The following AKAP13 variants were observed in gnomAD, a reference collection of about 807,000 sequenced individuals.
AKAP13 encodes A-kinase anchor protein 13.
Under a neutral mutation model 264.5 loss-of-function variants are expected in AKAP13, and 80 were observed. The ratio of observed to expected loss-of-function variants is 0.30; its 90% CI spans 0.25 to 0.36. The LOEUF (loss-of-function observed/expected upper bound fraction) is 0.36. Ranked by LOEUF, AKAP13 falls within the 10% of genes least tolerant of loss-of-function variation. AKAP13 has a pLI of 1.00. For missense variants in AKAP13, 3,712 were observed against 3,435.2 expected (o/e 1.08, Z -2.01); for synonymous variants, 1,380 against 1,250.2 (o/e 1.10, Z -2.19).
At position 85,579,105 on chromosome 15, in the gene AKAP13, C is replaced by G; in HGVS notation, c.1037C>G (p.Pro346Arg). ...TESTQCCPGS[P>R]VAQTESPCDL... is the part of the protein sequence containing the mutation. ...AGCACTCAGTGCTGCCCAGGGAGCC[C>G]TGTTGCACAGACTGAAAGTCCCTGT... Residue 346 changes from proline to arginine, a missense_variant, in exon 7 of 37, where the codon CCT becomes CGT. Pro to Arg is a moderately radical substitution (Grantham distance 103). This residue lies in a region of AKAP13 where 2,759 missense variants were observed against 2,411.7 expected (regional missense o/e 1.14). Transcript: ENST00000394518. 2 of 1,614,156 alleles carry G rather than the reference C, an allele frequency of 1.2e-6. No individual in the cohort carries two copies. Among genetic ancestry groups the G allele is most frequent in the Non-Finnish European group, 1.7e-6 (2 of 1,180,028 alleles).
At chr15:85,720,109 T>A (rs1419768127) in intron 23 of AKAP13, among the ~76,000 whole-genome samples, 4 of 151,994 alleles carry the variant, frequency 2.6e-5, no homozygotes, top group Admixed American at 1.3e-4. Context: ...TAGTGCACAC[T>A]TGTGGTCCCA....
intron 8 of AKAP13, among the ~76,000 whole-genome samples, chr15:85,602,178 G>GT (rs550783320): frequency 9.1e-4 from 138 of 151,838 alleles, no homozygotes; most frequent in African/African-American, 2.9e-3. Flanking sequence ...ATCTGAAATC[G>GT]TATCATTGAA....
intron 1 of AKAP13, among the ~76,000 whole-genome samples, chr15:85,386,445 C>T (rs1028099824): frequency 6.6e-6 from 1 of 151,940 alleles, no homozygotes; most frequent in African/African-American, 2.4e-5. Context: ...AGGCACCCAC[C>T]ACCATGCCTA....
At chr15:85,438,088 C>T (rs962350516) in intron 1 of AKAP13, among the ~76,000 whole-genome samples, 1 of 146,848 alleles carries the variant, frequency 6.8e-6, no homozygotes, top group Non-Finnish European at 1.5e-5. Context: ...AGCCCAAAAT[C>T]TCCTTAAGCT....
intron 8 of AKAP13, among the ~76,000 whole-genome samples, chr15:85,630,748 C>T (rs1049137933): frequency 1.3e-5 from 2 of 151,922 alleles, no homozygotes; most frequent in Admixed American, 1.3e-4. Context: ...GATGAGCACC[C>T]ATGTCACACC....
At chr15:85,596,795 A>G (rs1450880713) in intron 8 of AKAP13, among the ~76,000 whole-genome samples, 1 of 152,164 alleles carries the variant, frequency 6.6e-6, no homozygotes, top group Non-Finnish European at 1.5e-5. Flanking sequence ...ACGTATTTGA[A>G]AGGATAAATT....
intron 5 of AKAP13, among the ~76,000 whole-genome samples, chr15:85,554,917 A>G (rs2078087907): frequency 1.3e-5 from 2 of 152,146 alleles, no homozygotes; most frequent in Non-Finnish European, 2.9e-5. Context: ...TAAAAGCACA[A>G]AATTTAGAGC....
intron 1 of AKAP13, among the ~76,000 whole-genome samples, chr15:85,462,312 A>T (rs2074549709): frequency 6.6e-6 from 1 of 152,214 alleles, no homozygotes; most frequent in African/African-American, 2.4e-5. Flanking sequence ...ATTCTATGCA[A>T]ATCACTGAAC....
intron 13 of AKAP13, among the ~76,000 whole-genome samples, chr15:85,668,882 G>A (rs2083751052): frequency 6.6e-6 from 1 of 151,848 alleles, no homozygotes; most frequent in African/African-American, 2.4e-5. Flanking sequence ...GGCAGAGGTT[G>A]CAATGAGCCG....
intron 8 of AKAP13, among the ~76,000 whole-genome samples, chr15:85,591,128 A>G (rs1280864904): frequency 6.6e-6 from 1 of 152,236 alleles, no homozygotes; most frequent in African/African-American, 2.4e-5. Context: ...CCTTTGCTTT[A>G]TAAGAGAAGA....
chr15:85,713,010 A>G (rs1042257232), intron 19 of AKAP13, among the ~76,000 whole-genome samples: 3 of 152,174 alleles, frequency 2.0e-5, no homozygotes, highest in African/African-American at 7.2e-5. Flanking sequence ...TTCCTCTGTA[A>G]AAGGGGACGA....
In AKAP13 at chr15:85,620,170, A is replaced by T. The variant is rs1279613727; in HGVS notation, c.4162-19204A>T. 4 of 1,535,976 alleles carry T rather than the reference A, an allele frequency of 2.6e-6. No homozygotes were observed. In the Admixed American group the frequency reaches 7.8e-5, roughly 30 times the overall value. ...CAGGACTGTGGACGTGGTATTGCTGAAGGTAAGGGGGGCTGCACCTCATGC... is the reference window on the plus strand; with the variant it reads ...CAGGACTGTGGACGTGGTATTGCTGTAGGTAAGGGGGGCTGCACCTCATGC... On this transcript the variant is annotated intron_variant, in intron 8 of 36. Transcript: ENST00000394518.
rs1191772385 is a variant in AKAP13, at chr15:85,741,537, A to C, written c.8058+42A>C. The C allele has an allele frequency of 2.0e-6, 3 of 1,524,922 alleles. No individual in the cohort carries two copies. The Admixed American group carries it at 6.4e-5, about 32-fold the overall frequency. The allele number at this position is 1,524,922 out of a possible 1,614,324, so 94.5% of individuals were successfully genotyped here. A position where few individuals can be genotyped will look rare whatever the true frequency, so the allele number is the denominator to read the frequency against. ...CCGAGAGCAACCTAATGATGATATT[A>C]ATTAAGACCCCCTGTGTATTAAGCA... On this transcript the variant is annotated intron_variant, in intron 35 of 36. Coordinates refer to ENST00000394518, the MANE Select transcript of AKAP13 (RefSeq NM_007200.5).
chr15:85,507,796 A>C (rs1406690285), intron 2 of AKAP13, among the ~76,000 whole-genome samples: 1 of 152,212 alleles, frequency 6.6e-6, no homozygotes, highest in Non-Finnish European at 1.5e-5. Context: ...GTAGGATATG[A>C]TGGCAGTAGC....
intron 2 of AKAP13, among the ~76,000 whole-genome samples, chr15:85,499,194 T>C (rs1483013889): frequency 6.6e-6 from 1 of 152,176 alleles, no homozygotes; most frequent in African/African-American, 2.4e-5. Flanking sequence ...CAGAATAATA[T>C]CAAGGTGTGT....
rs567968052 is a variant in AKAP13 at position 85,586,922 on chromosome 15, C to T, written c.4161+1099C>T. Among the ~76,000 whole-genome samples the T allele has an allele frequency of 9.5e-3, 957 of 100,868 alleles. 15 individuals carry two copies. The highest frequency in any genetic ancestry group is 0.033 in the African/African-American group (886 of 26,482). 66.2% of individuals were successfully genotyped at this position (100,868 alleles called of 152,430 possible). The stretch of plus-strand genomic sequence containing the variant: ...TAGCCTGGGCGACAGAGCACGACAC[C>T]TTCTCAAAAAAAAAAAAATAAGAGA... On this transcript the variant is annotated intron_variant, in intron 8 of 36. Transcript: ENST00000394518.
intron 10 of AKAP13, among the ~76,000 whole-genome samples, chr15:85,650,653 G>A (rs549207685): frequency 3.5e-4 from 51 of 147,646 alleles, no homozygotes; most frequent in Non-Finnish European, 6.7e-4. Context: ...CTACTCAGGA[G>A]GCTGAGGCAG....
Position 85,521,484 on chromosome 15 carries a change from A to G in AKAP13, c.90A>G (p.Val30=). The part of the protein sequence containing the change: ...LAEEDKAEDD[V]VFYLVFLGST... ...AAGAGGACAAAGCTGAAGATGATGTAGTGTTTTACTTGGTATTTTTGGGTT... is the reference window on the plus strand; with the variant it reads ...AAGAGGACAAAGCTGAAGATGATGTGGTGTTTTACTTGGTATTTTTGGGTT... The change falls in exon 3 of 37, where the codon GTA becomes GTG. Residue 30 remains valine (V), a synonymous_variant. Coordinates refer to ENST00000394518, the MANE Select transcript of AKAP13 (RefSeq NM_007200.5). 6.2e-7 allele frequency: 1 copy of G among 1,614,126 alleles called. No individual in the cohort carries two copies. Among genetic ancestry groups the G allele is most frequent in the Non-Finnish European group, 8.5e-7 (1 of 1,180,012 alleles).
chr15:85,623,304 A>G (rs983244421), intron 8 of AKAP13, among the ~76,000 whole-genome samples: 1 of 152,244 alleles, frequency 6.6e-6, no homozygotes, highest in African/African-American at 2.4e-5. Flanking sequence ...TGGATTCATA[A>G]GCATCATGTT....
Sources: gnomAD v4.1 joint callset for allele counts (sites outside exome capture counted in the v4.1 genomes callset) on GRCh38, gnomAD v4.1.1 for gene constraint, gnomAD v4.1.1 regional missense constraint, MANE v1.5 for transcripts, NCBI Gene and HGNC (gene_info 2026-07-23, HGNC 2026-07-21) for gene names.